The following MGA variants were observed in gnomAD, a reference collection of about 807,000 sequenced individuals.
MGA encodes the protein MAX dimerization protein MGA, also known as MAX gene-associated protein.
In MGA, 40 loss-of-function variants were observed where a neutral mutation model predicts 261.1. That is an observed-to-expected ratio of 0.15 (90% CI 0.12 to 0.20). The LOEUF (loss-of-function observed/expected upper bound fraction) is 0.20. MGA is among the 10% of genes least tolerant of loss of function. MGA has a pLI of 1.00. For synonymous variants in MGA, 1,302 were observed against 1,290.6 expected, an observed-to-expected ratio of 1.01 and a Z score of -0.19; for missense variants, 3,397 against 3,630.5, an observed-to-expected ratio of 0.94 and a Z score of 1.65.
At chr15:41,670,777 A>T (rs1407284053) in intron 2 of MGA, among the ~76,000 whole-genome samples, 1 of 152,206 alleles carries the variant, frequency 6.6e-6, no homozygotes, top group Non-Finnish European at 1.5e-5. Context: ...AGGTGCTGGG[A>T]TTACAGGCGT....
At chr15:41,701,993 A>G (rs1412532470) in intron 5 of MGA, among the ~76,000 whole-genome samples, 2 of 151,482 alleles carry the variant, frequency 1.3e-5, no homozygotes, top group South Asian at 4.2e-4. Context: ...TTATTTTAGC[A>G]TATTTTTCTC....
chr15:41,684,852 A>G (rs1025023026), intron 2 of MGA, among the ~76,000 whole-genome samples: 4 of 152,190 alleles, frequency 2.6e-5, no homozygotes, highest in Non-Finnish European at 4.4e-5. Context: ...GATTATGGAA[A>G]TTGATTGGCT....
intron 2 of MGA, among the ~76,000 whole-genome samples, chr15:41,688,045 A>C (rs959912752): frequency 2.6e-5 from 4 of 152,192 alleles, no homozygotes; most frequent in African/African-American, 9.7e-5. Flanking sequence ...AATTGAACTC[A>C]AAATTTTAAT....
chr15:41,725,138 A>G (rs1011326432), intron 9 of MGA, among the ~76,000 whole-genome samples: 13 of 152,306 alleles, frequency 8.5e-5, no homozygotes, highest in East Asian at 1.9e-4. Flanking sequence ...CATTTACTTC[A>G]CTACGGCTGC....
In MGA at chr15:41,729,246, A is replaced by G. The variant is rs764203215; in HGVS notation, c.3740A>G (p.Lys1247Arg). 1 of 1,613,944 alleles carries G rather than the reference A, an allele frequency of 6.2e-7. No individual in the cohort carries two copies. The highest frequency in any genetic ancestry group is 1.3e-5 in the African/African-American group (1 of 75,030). ...GCTCGAGTTCGAGTATATGAGCGAA[A>G]AAAAGAGGACCAGAGACAACCATCT... The change falls in exon 11 of 24, where the codon AAA becomes AGA. Residue 1247 changes from lysine (K) to arginine (R), a missense_variant. Physicochemically the swap from Lys to Arg is conservative, Grantham distance 26. Coordinates refer to ENST00000219905, the MANE Select transcript of MGA (RefSeq NM_001164273.2).
chr15:41,743,129 A>G lies in MGA; in HGVS notation c.5169A>G (p.Ile1723Met). The change falls in exon 15 of 24, where the codon ATA (isoleucine) becomes ATG (methionine). Residue 1723 changes from isoleucine (I) to methionine (M), a missense_variant. Ile to Met is a conservative substitution (Grantham distance 10). This residue lies in a region of MGA where 1,410 missense variants were observed against 1,386.4 expected (regional missense o/e 1.02). Transcript: ENST00000219905. ...CATCTCTGGGCTCTGTTCCTATTAT[A>G]CTCTCAGGAATTAATGGGAGTCCAC... The G allele has an allele frequency of 6.2e-7, 1 of 1,612,692 alleles. No individual in the cohort carries two copies. The highest frequency in any genetic ancestry group is 8.5e-7 in the Non-Finnish European group (1 of 1,179,324).
chr15:41,757,762 C>T (rs1292182508), intron 18 of MGA, 26 bp from the exon 19 acceptor site: 1 of 1,581,600 alleles, frequency 6.3e-7, no homozygotes, highest in South Asian at 1.1e-5. Context: ...TTCAGTAAGA[C>T]ACTGAAAAAT....
At chr15:41,730,884 A>G (rs2061475385) in intron 11 of MGA, among the ~76,000 whole-genome samples, 1 of 152,208 alleles carries the variant, frequency 6.6e-6, no homozygotes, top group Admixed American at 6.5e-5. Context: ...TAATATTCCA[A>G]TGCTGTTACC....
At chr15:41,647,011 T>C (rs867985832) in intron 1 of MGA, among the ~76,000 whole-genome samples, 2 of 152,218 alleles carry the variant, frequency 1.3e-5, no homozygotes, top group Non-Finnish European at 2.9e-5. Flanking sequence ...AGATTTGTTA[T>C]TTCCATTGGA....
chr15:41,667,173 A>G (rs965008550), intron 1 of MGA, among the ~76,000 whole-genome samples: 4 of 151,564 alleles, frequency 2.6e-5, no homozygotes, highest in Non-Finnish European at 4.4e-5. Context: ...ATTATCCTTT[A>G]CTCATTTTTC....
intron 8 of MGA, among the ~76,000 whole-genome samples, chr15:41,711,668 C>T (rs922630916): frequency 2.0e-5 from 3 of 152,140 alleles, no homozygotes; most frequent in African/African-American, 7.2e-5. Context: ...ATTGGCTGAT[C>T]TTGTTAAAAC....
chr15:41,627,701 A>T (rs1426165361), intron 1 of MGA, among the ~76,000 whole-genome samples: 3 of 152,256 alleles, frequency 2.0e-5, no homozygotes, highest in Non-Finnish European at 4.4e-5. Flanking sequence ...CAGAAAAAGG[A>T]TAGTGGATAT....
At chr15:41,657,465 TGCCTTA>T (rs1434844438), upstream of MGA, among the ~76,000 whole-genome samples, 1 of 150,432 alleles carries the variant, frequency 6.6e-6, no homozygotes, top group Non-Finnish European at 1.5e-5. Context: ...GCAATTCCCT[TGCCTTA>T]GCCTCCCGTG....
chr15:41,688,486 C>G (rs746381920), intron 2 of MGA, among the ~76,000 whole-genome samples: 4 of 152,142 alleles, frequency 2.6e-5, no homozygotes, highest in Non-Finnish European at 5.9e-5. Context: ...ATTCTTCTTC[C>G]TTGAATTTAC....
At chr15:41,678,215 T>C (rs1310076064) in intron 2 of MGA, among the ~76,000 whole-genome samples, 1 of 151,182 alleles carries the variant, frequency 6.6e-6, no homozygotes, top group Non-Finnish European at 1.5e-5. Context: ...CTCAGCCTCC[T>C]GAGTAGCTGG....
At chr15:41,730,108 G>A (rs1259026736) in intron 11 of MGA, among the ~76,000 whole-genome samples, 16 of 152,058 alleles carry the variant, frequency 1.1e-4, no homozygotes, top group Admixed American at 1.0e-3. Flanking sequence ...TGTCCAGGCT[G>A]GTCTCGAACT....
At chr15:41,678,198 C>T (rs2058485091) in intron 2 of MGA, among the ~76,000 whole-genome samples, 1 of 150,602 alleles carries the variant, frequency 6.6e-6, no homozygotes, top group Admixed American at 6.6e-5. Context: ...TCAAGCGATT[C>T]TCCTGCCTCA....
chr15:41,649,714 C>T (rs1187236447), intron 1 of MGA, among the ~76,000 whole-genome samples: 6 of 152,298 alleles, frequency 3.9e-5, no homozygotes, highest in Admixed American at 1.3e-4. Context: ...GAGTCTCTCT[C>T]TGTCACCCAG....
intron 2 of MGA, among the ~76,000 whole-genome samples, chr15:41,687,174 A>T (rs149562880): frequency 6.6e-6 from 1 of 151,088 alleles, no homozygotes. Context: ...CCTTTGTTCT[A>T]CTTGTTTTTG....
Sources: gnomAD v4.1 joint callset for allele counts (sites outside exome capture counted in the v4.1 genomes callset) on GRCh38, gnomAD v4.1.1 for gene constraint, gnomAD v4.1.1 regional missense constraint, MANE v1.5 for transcripts, NCBI Gene and HGNC (gene_info 2026-07-23, HGNC 2026-07-21) for gene names.